FHIT: variants seen among roughly 807,000 people sequenced by gnomAD.
FHIT encodes fragile histidine triad diadenosine triphosphatase.
A neutral mutation model predicts 17.9 loss-of-function variants in FHIT; 19 were observed. The ratio of observed to expected loss-of-function variants is 1.06; its 90% CI spans 0.74 to 1.56. FHIT has a LOEUF of 1.56. Ranked by LOEUF, FHIT falls within the 40% of genes most tolerant of loss-of-function variation. The pLI, the probability that FHIT is intolerant of heterozygous loss-of-function variation, is 0.00. For synonymous variants in FHIT, 81 were observed against 69.7 expected (o/e 1.16, Z -0.81); for missense variants, 248 against 189.2 (o/e 1.31, Z -1.82).
chr3:60,143,826 G>T (rs536228264), intron 5 of FHIT, among the ~76,000 whole-genome samples: 3 of 152,208 alleles, frequency 2.0e-5, no homozygotes, highest in Admixed American at 2.0e-4. Context: ...CCTACTAAAT[G>T]AAAGTACTCT....
chr3:60,072,065 G>A (rs1375836415), intron 5 of FHIT, among the ~76,000 whole-genome samples: 1 of 150,204 alleles, frequency 6.7e-6, no homozygotes, highest in Non-Finnish European at 1.5e-5. Flanking sequence ...AGTGAGAACA[G>A]ACTAATACAG....
At chr3:60,035,049 A>G (rs1230280011) in intron 5 of FHIT, among the ~76,000 whole-genome samples, 1 of 152,236 alleles carries the variant, frequency 6.6e-6, no homozygotes, top group Non-Finnish European at 1.5e-5. Context: ...GGATAAAAAG[A>G]TAACACAGAG....
At chr3:60,570,893 C>T (rs2037354275) in intron 4 of FHIT, among the ~76,000 whole-genome samples, 1 of 151,958 alleles carries the variant, frequency 6.6e-6, no homozygotes, top group African/African-American at 2.4e-5. Context: ...GTTCCCAGAA[C>T]ACTTAGGGGC....
chr3:60,029,240 G>C (rs1700879443), intron 5 of FHIT, among the ~76,000 whole-genome samples: 1 of 152,108 alleles, frequency 6.6e-6, no homozygotes, highest in South Asian at 2.1e-4. Context: ...TTTTCCCATT[G>C]ATTACTAAGT....
chr3:60,615,458 A>G (rs2038923093), intron 4 of FHIT, among the ~76,000 whole-genome samples: 1 of 152,240 alleles, frequency 6.6e-6, no homozygotes, highest in South Asian at 2.1e-4. Flanking sequence ...CCAGAGTATT[A>G]CAGTAAAAGA....
chr3:61,074,041 G>A (rs1216586030), intron 2 of FHIT, among the ~76,000 whole-genome samples: 2 of 152,146 alleles, frequency 1.3e-5, no homozygotes, highest in Admixed American at 1.3e-4. Context: ...GAATGTAATT[G>A]ATATTAACCA....
rs1360333142 is a variant in FHIT, at chr3:60,129,042, C to CTTTT, written c.104-114894_104-114891dup. Among the ~76,000 whole-genome samples, 148 of 113,020 alleles carry CTTTT rather than the reference C, an allele frequency of 1.3e-3. 7 individuals carry two copies. Among genetic ancestry groups the CTTTT allele is most frequent in the African/African-American group, 4.8e-3 (140 of 29,308 alleles). The allele number at this position is 113,020 out of a possible 152,430, so 74.1% of individuals were successfully genotyped here. A position where few individuals can be genotyped will look rare whatever the true frequency, so the allele number is the denominator to read the frequency against. ...ACTTAATTTTCCCTTTTCTTCTTTCCTTTTTTGTTTGTTTTTTTTTTTTTT... is the reference window on the plus strand; with the variant it reads ...ACTTAATTTTCCCTTTTCTTCTTTCCTTTTTTTTTTGTTTGTTTTTTTTTTTTTT... On this transcript the variant is annotated intron_variant, in intron 5 of 9. Coordinates refer to ENST00000492590, the MANE Select transcript of FHIT (RefSeq NM_002012.4).
intron 3 of FHIT, among the ~76,000 whole-genome samples, chr3:60,992,488 C>T (rs55712839): frequency 0.071 from 10,784 of 152,162 alleles, 533 homozygotes; most frequent in Middle Eastern, 0.11. Flanking sequence ...AAACGATGAC[C>T]TCAGGACTAC....
chr3:60,379,118 G>A (rs988792157), intron 5 of FHIT, among the ~76,000 whole-genome samples: 3 of 152,124 alleles, frequency 2.0e-5, no homozygotes, highest in Non-Finnish European at 2.9e-5. Flanking sequence ...GAGGAGAACC[G>A]CTAAAGGTTA....
intron 8 of FHIT, among the ~76,000 whole-genome samples, chr3:59,812,476 A>G (rs1055314525): frequency 2.0e-5 from 3 of 152,222 alleles, no homozygotes; most frequent in African/African-American, 7.2e-5. Context: ...AGCTAAGGCC[A>G]GCATGCTGCA....
At chr3:60,949,774 A>G (rs1708798401) in intron 3 of FHIT, among the ~76,000 whole-genome samples, 1 of 152,216 alleles carries the variant, frequency 6.6e-6, no homozygotes, top group South Asian at 2.1e-4. Context: ...TCTTTTTTAA[A>G]AAAAGCAGAA....
chr3:60,991,857 C>A (rs565100534), intron 3 of FHIT, among the ~76,000 whole-genome samples: 12 of 152,038 alleles, frequency 7.9e-5, no homozygotes, highest in Non-Finnish European at 1.6e-4. Flanking sequence ...AGGTAAAGCA[C>A]TCAGCAACTA....
intron 4 of FHIT, among the ~76,000 whole-genome samples, chr3:60,694,344 C>T (rs1213671032): frequency 6.6e-6 from 1 of 151,270 alleles, no homozygotes; most frequent in Non-Finnish European, 1.5e-5. Context: ...CAGAGAAATG[C>T]AAATTAAAAC....
At chr3:60,254,049 A>C (rs932080027) in intron 5 of FHIT, among the ~76,000 whole-genome samples, 3 of 152,190 alleles carry the variant, frequency 2.0e-5, no homozygotes, top group Non-Finnish European at 4.4e-5. Context: ...AGGTTTTATC[A>C]TATCTGCTTT....
At chr3:60,559,521 T>G (rs1433392243) in intron 4 of FHIT, among the ~76,000 whole-genome samples, 1 of 152,192 alleles carries the variant, frequency 6.6e-6, no homozygotes. Flanking sequence ...TTTTTATTAT[T>G]TCTTTATTGA....
chr3:60,324,561 G>A (rs116271891), intron 5 of FHIT, among the ~76,000 whole-genome samples: 2,090 of 123,986 alleles, frequency 0.017, 47 homozygotes, highest in African/African-American at 0.065. Flanking sequence ...GTGACAGAGC[G>A]AGACTCCATC....
intron 7 of FHIT, among the ~76,000 whole-genome samples, chr3:59,925,739 T>A (rs2107206176): frequency 6.6e-6 from 1 of 152,204 alleles, no homozygotes; most frequent in Admixed American, 6.5e-5. Flanking sequence ...AGGGCATAGA[T>A]CTCAACCCAC....
At chr3:60,534,453 A>G (rs1432686235) in intron 5 of FHIT, among the ~76,000 whole-genome samples, 1 of 141,810 alleles carries the variant, frequency 7.1e-6, no homozygotes, top group Admixed American at 7.2e-5. Flanking sequence ...AAAAAAAAAA[A>G]AAAAAAAAAA....
intron 4 of FHIT, chr3:60,617,482 T>G (rs2038986326): frequency 6.4e-6 from 1 of 155,088 alleles, no homozygotes; most frequent in Admixed American, 6.5e-5. Context: ...CCACAGATTT[T>G]GTAAGAAAGA....
Sources: allele counts gnomAD v4.1 joint callset (sites outside exome capture counted in the v4.1 genomes callset), GRCh38; gene constraint gnomAD v4.1.1; transcripts MANE v1.5; gene names NCBI Gene and HGNC (gene_info 2026-07-23, HGNC 2026-07-21).